The following FGF13 variants were observed in gnomAD, a reference collection of about 807,000 sequenced individuals.
The protein encoded by FGF13 is fibroblast growth factor homologous factor 2.
In FGF13, 2 loss-of-function variants were observed where a neutral mutation model predicts 19.5. The observed-to-expected ratio is 0.10, with a 90% confidence interval of 0.04 to 0.32. The LOEUF (loss-of-function observed/expected upper bound fraction) is 0.32. FGF13 is among the 10% of genes least tolerant of loss of function. FGF13 has a pLI of 1.00. For synonymous variants in FGF13, 72 were observed against 76.9 expected (o/e 0.94, Z 0.33); for missense variants, 113 against 192.7 (o/e 0.59, Z 2.45).
At chrX:138,840,575 G>A (rs1453241274) in intron 3 of FGF13, among the ~76,000 whole-genome samples, 1 of 111,672 alleles carries the variant, frequency 9.0e-6, no homozygotes, top group African/African-American at 3.3e-5. Context: ...GAAAACAGAT[G>A]TGGTTCCTTT....
chrX:138,889,968 G>A lies in FGF13; in HGVS notation c.-112-25318C>T, dbSNP rs1221094149. ...TTTTGAGATGCAGTCTTACTCTATC[G>A]CCCAGGCTGGAGTTCAGTGGTACAG... On this transcript the variant is annotated intron_variant, in intron 1 of 2. Transcript: ENST00000421460. Among the ~76,000 whole-genome samples the A allele has an allele frequency of 6.7e-5, 7 of 104,638 alleles. No homozygotes were observed. The South Asian group carries it at 1.8e-3, about 27-fold the overall frequency. 90.9% of individuals were successfully genotyped at this position (104,638 alleles called of 115,157 possible). A position where few individuals can be genotyped will look rare whatever the true frequency, so the allele number is the denominator to read the frequency against.
chrX:139,088,868 C>A (rs1412024197), intron 1 of FGF13, among the ~76,000 whole-genome samples: 2 of 111,758 alleles, frequency 1.8e-5, no homozygotes, highest in Non-Finnish European at 3.8e-5. Context: ...GCCTTATGAA[C>A]AGGATTAGTG....
chrX:139,118,253 AAC>A (rs2083652932), intron 1 of FGF13, among the ~76,000 whole-genome samples: 1 of 112,375 alleles, frequency 8.9e-6, no homozygotes, highest in African/African-American at 3.2e-5. Flanking sequence ...CAATAAAGTC[AAC>A]ATAAGTCGAA....
In FGF13 at chrX:138,942,537, T is replaced by C. The variant is rs747559616; in HGVS notation, c.-112-77887A>G. ...TCTGGTCATTTGAGCAATAAGAGAA[T>C]GTCCTTTTCGGTTTTTCTCTCCTTC... On this transcript the variant is annotated intron_variant, in intron 1 of 2. Transcript: ENST00000421460. 2.2e-4 allele frequency among the ~76,000 whole-genome samples: 25 copies of C among 111,942 alleles called. No homozygotes were observed. The South Asian group carries it at 3.4e-3, about 15-fold the overall frequency.
At chrX:138,925,377 G>T (rs2091667397) in intron 1 of FGF13, among the ~76,000 whole-genome samples, 1 of 108,118 alleles carries the variant, frequency 9.2e-6, no homozygotes, top group African/African-American at 3.4e-5. Flanking sequence ...CAACCAAAAA[G>T]ATCTTACTGG....
chrX:138,818,214 T>C (rs2090974329), intron 3 of FGF13, among the ~76,000 whole-genome samples: 1 of 111,359 alleles, frequency 9.0e-6, no homozygotes, highest in Non-Finnish European at 1.9e-5. Context: ...AAGTATGGAA[T>C]AACATTAATC....
chrX:138,819,378 G>A (rs898249470), intron 3 of FGF13, among the ~76,000 whole-genome samples: 1 of 111,277 alleles, frequency 9.0e-6, no homozygotes, highest in Non-Finnish European at 1.9e-5. Context: ...TAAACTATAA[G>A]GCTGGAGGTT....
intron 3 of FGF13, among the ~76,000 whole-genome samples, chrX:138,668,422 A>G (rs945102196): frequency 4.5e-5 from 5 of 110,889 alleles, no homozygotes; most frequent in Non-Finnish European, 1.9e-5. Context: ...AAATCAGGAT[A>G]GCAAAAGGTT....
At chrX:138,795,489 T>C (rs1029834813) in intron 3 of FGF13, among the ~76,000 whole-genome samples, 29 of 111,926 alleles carry the variant, frequency 2.6e-4, no homozygotes, top group African/African-American at 9.4e-4. Flanking sequence ...ATAGCAGGTC[T>C]GGGACAGGTG....
intron 1 of FGF13, among the ~76,000 whole-genome samples, chrX:138,984,357 G>A (rs1027548820): frequency 2.0e-5 from 2 of 97,579 alleles, no homozygotes; most frequent in Admixed American, 1.2e-4. Context: ...GTAGTGAACC[G>A]AGATTGCACC....
chrX:138,957,642 T>C (rs910138711), intron 1 of FGF13, among the ~76,000 whole-genome samples: 10 of 111,948 alleles, frequency 8.9e-5, no homozygotes, highest in South Asian at 3.8e-4. Flanking sequence ...ATTCTTCCTA[T>C]CCATGAGCAT....
chrX:138,792,093 C>T (rs752650995), intron 3 of FGF13, among the ~76,000 whole-genome samples: 1 of 111,719 alleles, frequency 9.0e-6, no homozygotes, highest in South Asian at 3.8e-4. Flanking sequence ...ATCTTTCTCC[C>T]TTACGATCAA....
intron 1 of FGF13, among the ~76,000 whole-genome samples, chrX:138,866,064 C>T (rs1258029168): frequency 8.9e-6 from 1 of 112,767 alleles, no homozygotes; most frequent in Non-Finnish European, 1.9e-5. Flanking sequence ...ATACACTGGA[C>T]CTTCTTTAAT....
At chrX:138,752,700 T>C (rs1290193058) in intron 3 of FGF13, among the ~76,000 whole-genome samples, 1 of 112,034 alleles carries the variant, frequency 8.9e-6, no homozygotes, top group Non-Finnish European at 1.9e-5. Flanking sequence ...CATTCAGACA[T>C]AGGACTGTCT....
intron 1 of FGF13, among the ~76,000 whole-genome samples, chrX:139,106,227 C>T (rs2083559081): frequency 8.9e-6 from 1 of 112,198 alleles, no homozygotes; most frequent in African/African-American, 3.2e-5. Flanking sequence ...GCCCTTAAGC[C>T]TCCTGGCAAC....
chrX:138,851,388 C>G (rs755014928), intron 3 of FGF13, among the ~76,000 whole-genome samples: 6 of 111,784 alleles, frequency 5.4e-5, no homozygotes, highest in South Asian at 7.5e-4. Flanking sequence ...TCTCCACAGC[C>G]TTACCACCAT....
chrX:138,869,169 T>C (rs1053678008), intron 1 of FGF13, among the ~76,000 whole-genome samples: 1 of 111,756 alleles, frequency 8.9e-6, no homozygotes, highest in Admixed American at 9.5e-5. Flanking sequence ...TGATCATATA[T>C]GCTTCTGTCA....
intron 3 of FGF13, among the ~76,000 whole-genome samples, chrX:138,805,545 C>T (rs1218931147): frequency 4.5e-5 from 5 of 111,155 alleles, no homozygotes; most frequent in African/African-American, 1.6e-4. Context: ...ATATTTTAGG[C>T]TCTACAATCT....
chrX:138,895,344 T>G (rs964568914), intron 1 of FGF13, among the ~76,000 whole-genome samples: 2 of 111,980 alleles, frequency 1.8e-5, no homozygotes, highest in Non-Finnish European at 3.8e-5. Flanking sequence ...CTAAAATGTA[T>G]AGGGAATTCA....
Sources: allele counts gnomAD v4.1 joint callset (sites outside exome capture counted in the v4.1 genomes callset), GRCh38; gene constraint gnomAD v4.1.1; transcripts MANE v1.5; gene names NCBI Gene and HGNC (gene_info 2026-07-23, HGNC 2026-07-21).